The following CFAP46 variants were observed in gnomAD, a reference collection of about 807,000 sequenced individuals.
The protein encoded by CFAP46 is cilia- and flagella-associated protein 46.
Under a neutral mutation model 325.7 loss-of-function variants are expected in CFAP46, and 245 were observed. The observed-to-expected ratio is 0.75, with a 90% CI of 0.68 to 0.84. CFAP46 has a LOEUF of 0.84. Ranked by LOEUF, CFAP46 falls within the 40% of genes least tolerant of loss-of-function variation. The pLI is 0.00. For synonymous variants in CFAP46, 1,523 were observed against 1,495.9 expected (o/e 1.02, Z -0.42); for missense variants, 3,346 against 3,543.0 (o/e 0.94, Z 1.41).
At chr10:132,912,602 CTCCT>C in intron 19 of CFAP46, 49 bp downstream of exon 19, 2 of 1,408,862 alleles carry the variant, frequency 1.4e-6, no homozygotes, top group Non-Finnish European at 9.4e-7. Context: ...TCTCTCCTCT[CTCCT>C]CTCTCTCTCT....
intron 35 of CFAP46, among the ~76,000 whole-genome samples, chr10:132,862,484 AG>A (rs1053744051): frequency 4.6e-5 from 7 of 151,538 alleles, no homozygotes; most frequent in African/African-American, 1.7e-4. Flanking sequence ...CAGGGTTTCC[AG>A]TGCCGACACT....
intron 44 of CFAP46, among the ~76,000 whole-genome samples, chr10:132,844,018 GGT>G (rs1848393301): frequency 4.9e-5 from 5 of 102,380 alleles, no homozygotes; most frequent in African/African-American, 1.5e-4. Flanking sequence ...GTGGGGCTCT[GGT>G]CTCGGTGGGT....
rs1177423165 is a variant in CFAP46, at chr10:132,860,872, G to A, written c.5001C>T (p.His1667=). The A allele has an allele frequency of 1.3e-6, 2 of 1,550,896 alleles. No individual in the cohort carries two copies. Among genetic ancestry groups the A allele is most frequent in the Admixed American group, 2.0e-5 (1 of 50,994 alleles). ...QAKKMIAQAQ[H]LGGSEEFWYN... ...ACCAGAACTCCTCACTTCCGCCCAGGTGCTGGGCCTGTGCGATCATTTTCT... is the reference window on the plus strand; with the variant it reads ...ACCAGAACTCCTCACTTCCGCCCAGATGCTGGGCCTGTGCGATCATTTTCT... The change falls in exon 36 of 58, where the codon CAC becomes CAT. Residue 1667 remains histidine, a synonymous_variant. Coordinates refer to ENST00000368586, the MANE Select transcript of CFAP46 (RefSeq NM_001200049.3).
chr10:132,838,168 C>T (rs1009210559), intron 44 of CFAP46, among the ~76,000 whole-genome samples: 4 of 152,234 alleles, frequency 2.6e-5, no homozygotes, highest in Non-Finnish European at 5.9e-5. Context: ...AGACCCGGCA[C>T]GCAGTTCAGG....
At chr10:132,864,403 CAG>C (rs1564783640) in intron 35 of CFAP46, among the ~76,000 whole-genome samples, 3 of 117,670 alleles carry the variant, frequency 2.5e-5, no homozygotes, top group Admixed American at 8.1e-5. Flanking sequence ...CACCTGTCCC[CAG>C]TGCCTGAGAC....
intron 54 of CFAP46, 59 bp from the exon 55 acceptor site, chr10:132,812,956 G>A (rs183329142): frequency 6.7e-5 from 91 of 1,364,962 alleles, no homozygotes; most frequent in African/African-American, 4.2e-4. Flanking sequence ...AGACCCCACC[G>A]TGCGTTCTTA....
chr10:132,867,941 C>A (rs768710982), intron 33 of CFAP46, among the ~76,000 whole-genome samples: 1 of 152,240 alleles, frequency 6.6e-6, no homozygotes, highest in Non-Finnish European at 1.5e-5. Flanking sequence ...CACCTGGCCC[C>A]GGCCACGGCC....
chr10:132,933,674 C>A (rs1187251622), intron 8 of CFAP46, among the ~76,000 whole-genome samples: 1 of 152,242 alleles, frequency 6.6e-6, no homozygotes, highest in South Asian at 2.1e-4. Flanking sequence ...GAGGAGCCTG[C>A]AGCTGAGCAG....
Position 132,942,569 on chromosome 10 carries a change from G to T in CFAP46, c.-85C>A. 2 of 1,156,478 alleles carry T rather than the reference G, an allele frequency of 1.7e-6. No homozygotes were observed. Among genetic ancestry groups the T allele is most frequent in the Non-Finnish European group, 1.1e-6 (1 of 916,362 alleles). The allele number at this position is 1,156,478 out of a possible 1,614,324, so 71.6% of individuals were successfully genotyped here. A position where few individuals can be genotyped will look rare whatever the true frequency, so the allele number is the denominator to read the frequency against. Reference sequence around the variant, plus strand: ...TGTCGGTTGGGTTCTCCAGCCGCGAGGACCCGGCCACGGTTGCCTGGAGAC... The same window carrying T: ...TGTCGGTTGGGTTCTCCAGCCGCGATGACCCGGCCACGGTTGCCTGGAGAC... On this transcript the variant is annotated 5_prime_UTR_variant, in exon 1 of 58. Transcript: ENST00000368586.
chr10:132,826,342 T>A (rs1201674850), intron 50 of CFAP46, among the ~76,000 whole-genome samples: 1 of 84,606 alleles, frequency 1.2e-5, no homozygotes, highest in African/African-American at 5.6e-5. Flanking sequence ...AGGCAGGAAC[T>A]GGAGCCACAG....
rs868144240 is a variant in CFAP46 at position 132,832,596 on chromosome 10, A to C, written c.7117+762T>G. ...AATCTGGTCCCTGTTACTTCATCTGAGATGGAAGCAAAAGTCCAATCGATT... is the reference window on the plus strand; with the variant it reads ...AATCTGGTCCCTGTTACTTCATCTGCGATGGAAGCAAAAGTCCAATCGATT... On this transcript the variant is annotated intron_variant, in intron 50 of 57. Transcript: ENST00000368586. The surrounding 1 kb of genome is among the most constrained non-coding windows in gnomAD (Gnocchi z 4.1). The C allele has an allele frequency of 2.8e-6, 1 of 354,620 alleles. No homozygotes were observed. The highest frequency in any genetic ancestry group is 2.1e-5 in the African/African-American group (1 of 46,970). The allele number at this position is 354,620 out of a possible 1,614,324, so 22.0% of individuals were successfully genotyped here.
chr10:132,839,381 C>T (rs1344544025), intron 44 of CFAP46, among the ~76,000 whole-genome samples: 2 of 152,194 alleles, frequency 1.3e-5, no homozygotes, highest in Non-Finnish European at 2.9e-5. Flanking sequence ...TAAGACCTCA[C>T]CGGAAGGAGG....
rs747285427 is a variant in CFAP46, at chr10:132,919,464, G to C, written c.1731-22C>G. 138 of 1,540,142 alleles carry C rather than the reference G, an allele frequency of 9.0e-5. No individual in the cohort carries two copies. Among genetic ancestry groups the C allele is most frequent in the Non-Finnish European group, 1.2e-4 (133 of 1,143,022 alleles). ...TATCCTGCTCACCGAGAACCCAAAC[G>C]AGTGAAAGGTGAGTAGACAAGTGTG... On this transcript the variant is annotated intron_variant, in intron 14 of 57. Transcript: ENST00000368586. The surrounding 1 kb of genome is among the most constrained non-coding windows in gnomAD (Gnocchi z 9.7).
rs187446218 is a variant in CFAP46 at position 132,856,699 on chromosome 10, C to T, written c.5574+891G>A. Reference sequence around the variant, plus strand: ...ATTTCTACTTAACTTTCTGAACATACAGAATACAGTGATAACTTGTCTTCC... The same window carrying T: ...ATTTCTACTTAACTTTCTGAACATATAGAATACAGTGATAACTTGTCTTCC... On this transcript the variant is annotated intron_variant, in intron 39 of 57. Transcript: ENST00000368586. Among the ~76,000 whole-genome samples the T allele has an allele frequency of 9.2e-3, 1,406 of 152,316 alleles. 12 individuals are homozygous for T. The highest frequency in any genetic ancestry group is 0.043 in the South Asian group (210 of 4,832).
In CFAP46 at chr10:132,835,435, C is replaced by T. The variant is rs779153684; in HGVS notation, c.6614-1G>A. Reference sequence around the variant, plus strand: ...GCCAGACGCATCACCTTGCAGGAGCCTGTGGGGACATGGACACACCCTCTG... The same window carrying T: ...GCCAGACGCATCACCTTGCAGGAGCTTGTGGGGACATGGACACACCCTCTG... On this transcript the variant is annotated splice_acceptor_variant, in intron 46 of 57. Coordinates refer to ENST00000368586, the MANE Select transcript of CFAP46 (RefSeq NM_001200049.3). LOFTEE classifies it high-confidence loss of function. 1.9e-6 allele frequency: 3 copies of T among 1,613,362 alleles called. No individual in the cohort carries two copies. Among genetic ancestry groups the T allele is most frequent in the African/African-American group, 2.7e-5 (2 of 74,942 alleles).
chr10:132,824,915 C>T (rs1848008564), intron 50 of CFAP46, among the ~76,000 whole-genome samples: 1 of 120,048 alleles, frequency 8.3e-6, no homozygotes. Flanking sequence ...CTAATGTGTG[C>T]TGTGTGTGCT....
In CFAP46 at chr10:132,828,614, C is replaced by A. The variant is rs1303974465; in HGVS notation, c.7117+4744G>T. Among the ~76,000 whole-genome samples the A allele has an allele frequency of 6.6e-6, 1 of 151,996 alleles. No homozygotes were observed. Among genetic ancestry groups the A allele is most frequent in the East Asian group, 1.9e-4 (1 of 5,192 alleles). ...TGTTATCAGATTCTTCCAGTCTTGG[C>A]GTAACTTTTCATTTTCTTAACAATA... On this transcript the variant is annotated intron_variant, in intron 50 of 57. Coordinates refer to ENST00000368586, the MANE Select transcript of CFAP46 (RefSeq NM_001200049.3). The surrounding 1 kb of genome is among the most constrained non-coding windows in gnomAD (Gnocchi z 4.9).
rs761757494 is a variant in CFAP46, at chr10:132,913,090, G to T, written c.2289C>A (p.Ala763=). 40 of 1,550,244 alleles carry T rather than the reference G, an allele frequency of 2.6e-5. No homozygotes were observed. The South Asian group carries it at 4.6e-4, about 18-fold the overall frequency. ...TAACGATGCTCAGGAGGTGGTACAG[G>T]GCGTCCACCAGCTCCTTCTGCCGCC... ...LAGRQKELVD[A]LYHLLSIVKA... The change falls in exon 18 of 58, where the codon GCC becomes GCA. Residue 763 remains alanine (A), a synonymous_variant. Coordinates refer to ENST00000368586, the MANE Select transcript of CFAP46 (RefSeq NM_001200049.3).
chr10:132,809,656 T>C (rs1325515608), intron 57 of CFAP46, among the ~76,000 whole-genome samples: 1 of 152,008 alleles, frequency 6.6e-6, no homozygotes, highest in Non-Finnish European at 1.5e-5. Flanking sequence ...CAACTCAGGG[T>C]CCCGGGAAGC....
Sources: gnomAD v4.1 joint callset for allele counts (sites outside exome capture counted in the v4.1 genomes callset) on GRCh38, gnomAD v4.1.1 for gene constraint, Gnocchi (gnomAD v3.1) non-coding constraint, MANE v1.5 for transcripts, NCBI Gene and HGNC (gene_info 2026-07-23, HGNC 2026-07-21) for gene names.